Variants in PTK7 observed in about 807,000 individuals in gnomAD.
PTK7 encodes inactive tyrosine-protein kinase 7.
A neutral mutation model predicts 116.6 loss-of-function variants in PTK7; 39 were observed. The ratio of observed to expected loss-of-function variants is 0.33; its 90% CI spans 0.26 to 0.44. The LOEUF is 0.44. Ranked by LOEUF, PTK7 falls within the 20% of genes least tolerant of loss-of-function variation. The pLI is 1.00. For missense variants in PTK7, 1,169 were observed against 1,425.6 expected, an observed-to-expected ratio of 0.82 and a Z score of 2.90; for synonymous variants, 546 against 563.6, an observed-to-expected ratio of 0.97 and a Z score of 0.44.
chr6:43,159,993 A>G (rs1425566956), intron 19 of PTK7, 27 bp downstream of exon 19: 11 of 1,600,934 alleles, frequency 6.9e-6, no homozygotes, highest in Middle Eastern at 1.7e-4. Context: ...CTAGGGGATG[A>G]TTCCAGATGG....
Position 43,145,409 on chromosome 6 carries a change from A to G in PTK7, c.2617A>G (p.Met873Val), listed in dbSNP as rs751602977. Residue 873 changes from methionine to valine, a missense_variant, in exon 16 of 20, where the codon ATG becomes GTG. Transcript: ENST00000230419. This position sits in a 1 kb window ranked among gnomAD's most constrained non-coding sequence, Gnocchi z 4.8. ...GTGCCGGGAGGCTGAGCCCCACTAC[A>G]TGGTGCTGGAATATGTGGATCTGGT... ...GLCREAEPHY[M>V]VLEYVDLGDL... 10 of 1,600,450 alleles carry G rather than the reference A, an allele frequency of 6.2e-6. No homozygotes were observed. Among genetic ancestry groups the G allele is most frequent in the South Asian group, 5.6e-5 (5 of 89,192 alleles).
intron 1 of PTK7, among the ~76,000 whole-genome samples, chr6:43,081,350 T>C (rs2150368172): frequency 6.6e-6 from 1 of 152,346 alleles, no homozygotes; most frequent in African/African-American, 2.4e-5. Context: ...TAGAGTTTAG[T>C]ACAGTACTTA....
At chr6:43,149,525 C>G (rs1157034935) in intron 17 of PTK7, among the ~76,000 whole-genome samples, 1 of 152,186 alleles carries the variant, frequency 6.6e-6, no homozygotes, top group Non-Finnish European at 1.5e-5. Context: ...AGACTAGTAG[C>G]TTTGAAATGC....
intron 1 of PTK7, among the ~76,000 whole-genome samples, chr6:43,102,207 CTGAGGTCAGGAGTT>C (rs1396189808): frequency 2.0e-5 from 3 of 152,060 alleles, no homozygotes; most frequent in Non-Finnish European, 4.4e-5. Flanking sequence ...GGCGGATCAC[CTGAGGTCAGGAGTT>C]TGAGACCAGC....
At chr6:43,087,343 C>T (rs1055085831) in intron 1 of PTK7, among the ~76,000 whole-genome samples, 21 of 152,296 alleles carry the variant, frequency 1.4e-4, no homozygotes, top group South Asian at 4.1e-4. Context: ...AAGAGTGGGC[C>T]GCAGAGTTTA....
Position 43,132,138 on chromosome 6 carries a change from T to C in PTK7, c.935T>C (p.Ile312Thr), listed in dbSNP as rs1043875969. Residue 312 changes from isoleucine (I) to threonine (T), a missense_variant, in exon 6 of 20, where the codon ATC becomes ACC. Physicochemically the swap from Ile to Thr is moderately conservative, Grantham distance 89. Around this residue, in one of 3 missense-constraint regions of PTK7, gnomAD observed 487 missense variants for 549.8 expected, o/e 0.89. Transcript: ENST00000230419. ...IGQGQRGPPI[I>T]LEATLHLAEI... is the part of the protein sequence containing the mutation. Reference sequence around the variant, plus strand: ...CAGGGGCAGAGGGGCCCACCCATCATCCTGGAAGCCACACTTCACCTAGCA... The same window carrying C: ...CAGGGGCAGAGGGGCCCACCCATCACCCTGGAAGCCACACTTCACCTAGCA... 3 of 1,611,822 alleles carry C rather than the reference T, an allele frequency of 1.9e-6. No individual in the cohort carries two copies. The highest frequency in any genetic ancestry group is 1.7e-6 in the Non-Finnish European group (2 of 1,178,334).
intron 13 of PTK7, 36 bp downstream of exon 13, chr6:43,142,335 G>T (rs776490648): frequency 6.2e-7 from 1 of 1,613,696 alleles, no homozygotes; most frequent in Non-Finnish European, 8.5e-7. Context: ...CACAGGAAGT[G>T]GTGGGCCCAG....
intron 1 of PTK7, among the ~76,000 whole-genome samples, chr6:43,127,030 C>T (rs141841910): frequency 1.3e-5 from 2 of 152,276 alleles, no homozygotes; most frequent in African/African-American, 4.8e-5. Context: ...CCTGGGGGAT[C>T]CTGGAATTGT....
Position 43,127,652 on chromosome 6 carries a change from G to A in PTK7, c.80-1325G>A, listed in dbSNP as rs183901033. On this transcript the variant is annotated intron_variant, in intron 1 of 19. Coordinates refer to ENST00000230419, the MANE Select transcript of PTK7 (RefSeq NM_002821.5). Reference sequence around the variant, plus strand: ...GGGATAAAGAACAGGACATGGGGCCGGGTGCGGTGGCTCACGCCTGTAATC... The same window carrying A: ...GGGATAAAGAACAGGACATGGGGCCAGGTGCGGTGGCTCACGCCTGTAATC... Among the ~76,000 whole-genome samples the A allele has an allele frequency of 1.8e-4, 28 of 152,304 alleles. No homozygotes were observed. In the East Asian group the frequency reaches 2.5e-3, roughly 14 times the overall value.
intron 19 of PTK7, among the ~76,000 whole-genome samples, chr6:43,160,467 A>G (rs1379945427): frequency 1.3e-5 from 2 of 152,156 alleles, no homozygotes; most frequent in African/African-American, 2.4e-5. Flanking sequence ...CTTTGCCCCC[A>G]GTGCCCACTC....
intron 17 of PTK7, among the ~76,000 whole-genome samples, chr6:43,157,650 G>A (rs1409287413): frequency 1.3e-5 from 2 of 151,888 alleles, no homozygotes; most frequent in African/African-American, 4.8e-5. Context: ...GGAAGCTAAG[G>A]CAGGAGGATC....
chr6:43,130,358 G>A lies in PTK7; in HGVS notation c.599G>A (p.Cys200Tyr). 6.2e-7 allele frequency: 1 copy of A among 1,611,922 alleles called. No homozygotes were observed. ...AGPEHSGLYS[C>Y]CAHSAFGQAC... ...CCTGAGCATAGTGGGCTGTATTCCT[G>A]CTGCGCCCACAGTGCTTTTGGCCAG... The change falls in exon 4 of 20, where the codon TGC becomes TAC. Residue 200 changes from cysteine to tyrosine, a missense_variant. Transcript: ENST00000230419.
Position 43,129,566 on chromosome 6 carries a change from G to A in PTK7, c.368-161G>A. On this transcript the variant is annotated intron_variant, in intron 2 of 19. Coordinates refer to ENST00000230419, the MANE Select transcript of PTK7 (RefSeq NM_002821.5). This position sits in a 1 kb window ranked among gnomAD's most constrained non-coding sequence, Gnocchi z 4.5. Reference sequence around the variant, plus strand: ...CTGCCAGGGACCAGGCAGGCACTTAGTATCTGGTAACTGTAGCCCCAGCCT... The same window carrying A: ...CTGCCAGGGACCAGGCAGGCACTTAATATCTGGTAACTGTAGCCCCAGCCT... 4.3e-6 allele frequency: 3 copies of A among 695,488 alleles called. No individual in the cohort carries two copies. The highest frequency in any genetic ancestry group is 1.9e-5 in the South Asian group (1 of 53,176). The allele number at this position is 695,488 out of a possible 1,614,324, so 43.1% of individuals were successfully genotyped here.
At chr6:43,124,460 G>A (rs149479996) in intron 1 of PTK7, among the ~76,000 whole-genome samples, 2 of 152,276 alleles carry the variant, frequency 1.3e-5, no homozygotes, top group East Asian at 3.9e-4. Context: ...GAGGTGGGAG[G>A]ATCGCTTGAG....
chr6:43,110,718 A>G (rs4714666), intron 1 of PTK7, among the ~76,000 whole-genome samples: 24,459 of 152,042 alleles, frequency 0.16, 2,775 homozygotes, highest in East Asian at 0.37. Flanking sequence ...CCGAATTTTA[A>G]CAGTTTTTAT....
Position 43,139,533 on chromosome 6 carries a change from C to T in PTK7, c.1618+8C>T. On this transcript the variant is annotated splice_region_variant and intron_variant, in intron 10 of 19. Coordinates refer to ENST00000230419, the MANE Select transcript of PTK7 (RefSeq NM_002821.5). This position sits in a 1 kb window ranked among gnomAD's most constrained non-coding sequence, Gnocchi z 4.6. ...TTAAGTGGGAACGGGCAGGTGGGTA[C>T]AGTGCCGGCATAGGGTAGGGGCAGG... 1 of 1,613,964 alleles carries T rather than the reference C, an allele frequency of 6.2e-7. No individual in the cohort carries two copies. Among genetic ancestry groups the T allele is most frequent in the Non-Finnish European group, 8.5e-7 (1 of 1,179,998 alleles).
At chr6:43,080,231 A>G (rs1425722388) in intron 1 of PTK7, among the ~76,000 whole-genome samples, 6 of 151,888 alleles carry the variant, frequency 4.0e-5, no homozygotes, top group Non-Finnish European at 7.4e-5. Context: ...AGGCGCCTGT[A>G]GTCCCAGCTA....
At chr6:43,082,477 CAA>C (rs984264471) in intron 1 of PTK7, among the ~76,000 whole-genome samples, 36 of 152,098 alleles carry the variant, frequency 2.4e-4, no homozygotes, top group African/African-American at 8.2e-4. Context: ...TGCCCTGCTG[CAA>C]TCTGCATTTT....
At chr6:43,112,947 G>T (rs1323299965) in intron 1 of PTK7, among the ~76,000 whole-genome samples, 8 of 152,130 alleles carry the variant, frequency 5.3e-5, no homozygotes, top group African/African-American at 1.9e-4. Flanking sequence ...TCTCGCCTCA[G>T]CCTCCCAGGT....
Sources: allele counts gnomAD v4.1 joint callset (sites outside exome capture counted in the v4.1 genomes callset), GRCh38; gene constraint gnomAD v4.1.1; regional missense constraint gnomAD v4.1.1; non-coding constraint Gnocchi (gnomAD v3.1); transcripts MANE v1.5; gene names NCBI Gene and HGNC (gene_info 2026-07-23, HGNC 2026-07-21).